The following PCDHA10 variants were observed in gnomAD, a reference collection of about 807,000 sequenced individuals.
PCDHA10 encodes protocadherin alpha 10.
PCDHA10 carries 45 observed loss-of-function variants against 61.2 expected under a neutral mutation model. That is an observed-to-expected ratio of 0.74 (90% CI 0.58 to 0.94). The LOEUF is 0.94. Among genes scored for constraint, PCDHA10 ranks in the 40% least tolerant of loss-of-function variants. The probability of loss-of-function intolerance (pLI) is 0.00; values close to 1 mark genes in which losing one functional copy is unlikely to be tolerated. For synonymous variants in PCDHA10, 602 were observed against 548.8 expected (o/e 1.10, Z -1.35); for missense variants, 1,278 against 1,236.2 (o/e 1.03, Z -0.51).
intron 1 of PCDHA10, chr5:140,969,117 A>C (rs1554231477): frequency 6.2e-7 from 1 of 1,614,178 alleles, no homozygotes; most frequent in Admixed American, 1.7e-5. Flanking sequence ...GTTCGAGGGA[A>C]TGGCTCCCTC....
At chr5:140,898,956 T>G (rs1352076218) in intron 1 of PCDHA10, among the ~76,000 whole-genome samples, 1 of 152,130 alleles carries the variant, frequency 6.6e-6, no homozygotes, top group African/African-American at 2.4e-5. Flanking sequence ...GAAGCAGTTG[T>G]GAATGGGAGT....
chr5:140,935,554 GA>G (rs2090429733), intron 1 of PCDHA10, among the ~76,000 whole-genome samples: 1 of 152,134 alleles, frequency 6.6e-6, no homozygotes, highest in Non-Finnish European at 1.5e-5. Flanking sequence ...AAGTATCTTG[GA>G]AAAGTTCCTC....
intron 3 of PCDHA10, among the ~76,000 whole-genome samples, chr5:140,985,873 G>C (rs1210347898): frequency 1.3e-5 from 2 of 151,280 alleles, no homozygotes; most frequent in Non-Finnish European, 2.9e-5. Flanking sequence ...CTGAGTAGCT[G>C]GGACTACAGG....
chr5:140,926,539 G>A (rs910445315), intron 1 of PCDHA10: 2 of 216,944 alleles, frequency 9.2e-6, no homozygotes, highest in Non-Finnish European at 1.8e-5. Flanking sequence ...AGCCAGCGTG[G>A]TGGTCGAGAC....
At chr5:140,988,253 C>A (rs982953260) in intron 3 of PCDHA10, among the ~76,000 whole-genome samples, 1 of 152,188 alleles carries the variant, frequency 6.6e-6, no homozygotes, top group Non-Finnish European at 1.5e-5. Context: ...CAGCTCCCGC[C>A]TGTGAGTATC....
Position 140,895,372 on chromosome 5 carries a change from T to C in PCDHA10, c.2388+36936T>C, listed in dbSNP as rs112463980. Among the ~76,000 whole-genome samples, 883 of 152,294 alleles carry C rather than the reference T, an allele frequency of 5.8e-3. 7 individuals carry two copies. The highest frequency in any genetic ancestry group is 0.021 in the African/African-American group (855 of 41,558). On this transcript the variant is annotated intron_variant, in intron 1 of 3. Coordinates refer to ENST00000307360, the MANE Select transcript of PCDHA10 (RefSeq NM_018901.4). The stretch of plus-strand genomic sequence containing the variant: ...CCAGTGAGTACTTATTGGCACTTTT[T>C]GGAGTTCTTCAATTCTCAACACCAT...
At chr5:140,867,813 C>T (rs1189080463) in intron 1 of PCDHA10, 1 of 152,032 alleles carries the variant, frequency 6.6e-6, no homozygotes, top group Non-Finnish European at 1.5e-5. Context: ...TATGAAATTC[C>T]ATTTCCACAA....
At position 140,857,146 on chromosome 5, in the gene PCDHA10, C is replaced by T. The variant is rs1554149571; in HGVS notation, c.1098C>T (p.Thr366=). ...TGAAAGAAGATGCTCAAGTGGGCACCGTCATTGCCCTAATCAGCGTTTCTG... is the reference window on the plus strand; with the variant it reads ...TGAAAGAAGATGCTCAAGTGGGCACTGTCATTGCCCTAATCAGCGTTTCTG... ...LPVKEDAQVG[T]VIALISVSDH... The change falls in exon 1 of 4, where the codon ACC becomes ACT. Residue 366 remains threonine, a synonymous_variant. Coordinates refer to ENST00000307360, the MANE Select transcript of PCDHA10 (RefSeq NM_018901.4). 3 of 1,598,132 alleles carry T rather than the reference C, an allele frequency of 1.9e-6. No homozygotes were observed. The highest frequency in any genetic ancestry group is 2.2e-5 in the East Asian group (1 of 44,846).
At chr5:140,912,209 G>T (rs1027468350) in intron 1 of PCDHA10, among the ~76,000 whole-genome samples, 8 of 152,158 alleles carry the variant, frequency 5.3e-5, no homozygotes, top group Non-Finnish European at 7.3e-5. Context: ...ATTGAGGGTA[G>T]ATCTGCCTTT....
intron 1 of PCDHA10, chr5:140,883,569 C>A (rs781786717): frequency 1.9e-6 from 3 of 1,614,134 alleles, no homozygotes; most frequent in South Asian, 2.2e-5. Flanking sequence ...GGCTCGCCTT[C>A]GCTGTGGGCC....
Position 140,873,721 on chromosome 5 carries a change from C to T in PCDHA10, c.2388+15285C>T, listed in dbSNP as rs556752313. On this transcript the variant is annotated intron_variant, in intron 1 of 3. Coordinates refer to ENST00000307360, the MANE Select transcript of PCDHA10 (RefSeq NM_018901.4). ...TATCACCCAGGCTGGTGTGCAGTGG[C>T]GCAATCTCAGCTCACTGCAATCTCC... Among the ~76,000 whole-genome samples, 8 of 152,254 alleles carry T rather than the reference C, an allele frequency of 5.3e-5. No individual in the cohort carries two copies. In the South Asian group the frequency reaches 1.0e-3, roughly 20 times the overall value.
At chr5:140,910,311 A>G (rs928675389) in intron 1 of PCDHA10, among the ~76,000 whole-genome samples, 4 of 152,224 alleles carry the variant, frequency 2.6e-5, no homozygotes, top group African/African-American at 9.6e-5. Context: ...AGAGATCTAC[A>G]TGAGTCAGAC....
At chr5:140,951,589 C>A (rs2094605772) in intron 1 of PCDHA10, among the ~76,000 whole-genome samples, 1 of 152,088 alleles carries the variant, frequency 6.6e-6, no homozygotes, top group Admixed American at 6.5e-5. Flanking sequence ...TTCACGAGAT[C>A]TCTCTCACTG....
At chr5:140,928,074 C>CT in intron 1 of PCDHA10, 1 of 1,614,216 alleles carries the variant, frequency 6.2e-7, no homozygotes, top group Non-Finnish European at 8.5e-7. Context: ...TTGACAACTA[C>CT]TACAGCCTGC....
intron 1 of PCDHA10, chr5:140,870,875 C>A (rs1235290760): frequency 6.2e-7 from 1 of 1,613,912 alleles, no homozygotes; most frequent in Non-Finnish European, 8.5e-7. Flanking sequence ...CACGTGGTGG[C>A]GAAGGTGCGC....
intron 1 of PCDHA10, chr5:140,967,281 C>G: frequency 2.5e-6 from 4 of 1,613,102 alleles, no homozygotes; most frequent in Non-Finnish European, 3.4e-6. Flanking sequence ...ATAGAGAGTG[C>G]GCAGGACCCC....
In PCDHA10 at chr5:140,970,874, G is replaced by A. The variant is rs191123160; in HGVS notation, c.2389-8075G>A. On this transcript the variant is annotated intron_variant, in intron 1 of 3. Coordinates refer to ENST00000307360, the MANE Select transcript of PCDHA10 (RefSeq NM_018901.4). ...AAAGTTCCATTCCTGATTGAGAGTA[G>A]ATTTTTCTCATGGACATTTCAGATA... Among the ~76,000 whole-genome samples the A allele has an allele frequency of 1.6e-4, 24 of 152,250 alleles. No individual in the cohort carries two copies. The East Asian group carries it at 2.7e-3, about 17-fold the overall frequency.
intron 1 of PCDHA10, chr5:140,928,948 A>G: frequency 1.2e-6 from 2 of 1,614,032 alleles, no homozygotes; most frequent in Non-Finnish European, 1.7e-6. Flanking sequence ...GTATTTAGTA[A>G]TTGCCTTGGC....
At chr5:141,000,393 C>CTATAAATATA (rs1563650230) in intron 3 of PCDHA10, among the ~76,000 whole-genome samples, 1 of 52,856 alleles carries the variant, frequency 1.9e-5, no homozygotes, top group African/African-American at 9.2e-5. Flanking sequence ...CTCTCTCTCT[C>CTATAAATATA]TCTATATATA....
Sources: allele counts gnomAD v4.1 joint callset (sites outside exome capture counted in the v4.1 genomes callset), GRCh38; gene constraint gnomAD v4.1.1; transcripts MANE v1.5; gene names NCBI Gene and HGNC (gene_info 2026-07-23, HGNC 2026-07-21).